Variants in ART3 observed in about 807,000 individuals in gnomAD.
The protein encoded by ART3 is ADP-ribosyltransferase 3 (inactive), also known as ecto-ADP-ribosyltransferase 3.
A neutral mutation model predicts 48.5 loss-of-function variants in ART3; 49 were observed. That is an observed-to-expected ratio of 1.01 (90% CI 0.80 to 1.28). ART3 has a LOEUF of 1.28. Among genes scored for constraint, ART3 ranks in the 50% most tolerant of loss-of-function variants. The pLI, the probability that ART3 is intolerant of heterozygous loss-of-function variation, is 0.00. For missense variants in ART3, 438 were observed against 454.3 expected (o/e 0.96, Z 0.33); for synonymous variants, 145 against 157.2 (o/e 0.92, Z 0.58).
At chr4:76,108,056 G>A (rs546481759) in intron 11 of ART3, among the ~76,000 whole-genome samples, 40 of 150,468 alleles carry the variant, frequency 2.7e-4, no homozygotes, top group African/African-American at 9.5e-4. Flanking sequence ...CTGAAGACTG[G>A]GAGCAAAATA....
At chr4:76,095,600 T>C (rs1381255429) in intron 3 of ART3, among the ~76,000 whole-genome samples, 1 of 152,218 alleles carries the variant, frequency 6.6e-6, no homozygotes, top group African/African-American at 2.4e-5. Context: ...TTGGAGTGCT[T>C]ATTTAAAATG....
At chr4:76,028,390 G>A (rs1359460456) in intron 1 of ART3, among the ~76,000 whole-genome samples, 3 of 152,130 alleles carry the variant, frequency 2.0e-5, no homozygotes, top group East Asian at 1.9e-4. Context: ...GAAGTATCCC[G>A]CTTTAGTTTC....
chr4:76,030,829 G>A (rs963258602), intron 1 of ART3, among the ~76,000 whole-genome samples: 13 of 152,072 alleles, frequency 8.5e-5, no homozygotes, highest in African/African-American at 1.7e-4. Flanking sequence ...TTTTATGGCC[G>A]AATAATCTAT....
chr4:76,093,253 C>T (rs550515242), intron 3 of ART3, among the ~76,000 whole-genome samples: 30 of 152,180 alleles, frequency 2.0e-4, no homozygotes, highest in Admixed American at 1.9e-3. Flanking sequence ...GAGACCCTGT[C>T]TCTACAAAAA....
intron 1 of ART3, among the ~76,000 whole-genome samples, chr4:76,054,903 T>C (rs4593163): frequency 0.59 from 89,147 of 152,122 alleles, 26,990 homozygotes; most frequent in East Asian, 0.94. Context: ...CTATTTTCCT[T>C]GTAATGAAAA....
intron 1 of ART3, among the ~76,000 whole-genome samples, chr4:76,025,633 C>A (rs573725363): frequency 6.6e-6 from 1 of 152,190 alleles, no homozygotes; most frequent in East Asian, 1.9e-4. Flanking sequence ...TCTAGAACTT[C>A]ATATAAATGG....
chr4:76,068,686 A>C (rs927386712), intron 1 of ART3, among the ~76,000 whole-genome samples: 1 of 152,178 alleles, frequency 6.6e-6, no homozygotes, highest in African/African-American at 2.4e-5. Context: ...ACTGTTGTGT[A>C]CTAGGCTTAG....
intron 3 of ART3, among the ~76,000 whole-genome samples, chr4:76,086,975 T>A (rs886146219): frequency 1.3e-5 from 2 of 152,224 alleles, no homozygotes; most frequent in African/African-American, 2.4e-5. Context: ...TGAAACTTTA[T>A]CAGCATAGCA....
upstream of ART3, among the ~76,000 whole-genome samples, chr4:76,070,002 A>G (rs531932451): frequency 6.6e-6 from 1 of 151,992 alleles, no homozygotes; most frequent in Non-Finnish European, 1.5e-5. Flanking sequence ...CCTATGTTTA[A>G]CATTTTGAGG....
chr4:76,032,116 A>C (rs1285038653), intron 1 of ART3, among the ~76,000 whole-genome samples: 1 of 152,150 alleles, frequency 6.6e-6, no homozygotes, highest in East Asian at 1.9e-4. Flanking sequence ...TGCTATGAAG[A>C]ACTTTAGGTG....
At chr4:76,014,539 G>A (rs899581298) in intron 1 of ART3, among the ~76,000 whole-genome samples, 2 of 152,032 alleles carry the variant, frequency 1.3e-5, no homozygotes, top group East Asian at 3.8e-4. Context: ...AGTGAACAAA[G>A]CCTAAGAGAC....
intron 1 of ART3, among the ~76,000 whole-genome samples, chr4:76,042,092 A>G (rs1735026619): frequency 6.6e-6 from 1 of 152,232 alleles, no homozygotes; most frequent in African/African-American, 2.4e-5. Context: ...AAATGATGGA[A>G]TCTAGTTTCC....
intron 3 of ART3, among the ~76,000 whole-genome samples, chr4:76,091,566 C>G (rs909199679): frequency 1.3e-5 from 2 of 151,938 alleles, no homozygotes; most frequent in African/African-American, 4.8e-5. Flanking sequence ...AGATTTTTGT[C>G]CACTTTTAAT....
intron 1 of ART3, among the ~76,000 whole-genome samples, chr4:76,058,891 C>T (rs2149474884): frequency 6.6e-6 from 1 of 152,226 alleles, no homozygotes; most frequent in African/African-American, 2.4e-5. Flanking sequence ...GGTTCCAGAG[C>T]TCTGTGTGGT....
At chr4:76,100,698 TTTTCATA>T in intron 6 of ART3, 90 bp from the exon 7 acceptor site, 13 of 1,394,692 alleles carry the variant, frequency 9.3e-6, no homozygotes, top group Non-Finnish European at 1.3e-5. Flanking sequence ...GGTGGGAATA[TTTTCATA>T]TTTCTTGCAA....
chr4:76,073,167 A>G (rs1467202811), upstream of ART3, among the ~76,000 whole-genome samples: 1 of 152,260 alleles, frequency 6.6e-6, no homozygotes, highest in Non-Finnish European at 1.5e-5. Flanking sequence ...TACCTAAAAC[A>G]GTTCCTAGCA....
At chr4:76,064,662 G>A (rs893870342) in intron 1 of ART3, among the ~76,000 whole-genome samples, 5 of 152,122 alleles carry the variant, frequency 3.3e-5, no homozygotes, top group African/African-American at 1.2e-4. Flanking sequence ...GATGGAAGCT[G>A]GGAGGTGAAA....
At chr4:76,089,547 G>T (rs6826514) in intron 3 of ART3, among the ~76,000 whole-genome samples, 29,022 of 152,006 alleles carry the variant, frequency 0.19, 4,760 homozygotes, top group African/African-American at 0.44. Context: ...AGTTTCCTGA[G>T]GCCTCCCCTG....
chr4:76,072,999 A>G (rs751855393), upstream of ART3, among the ~76,000 whole-genome samples: 2 of 152,206 alleles, frequency 1.3e-5, no homozygotes, highest in Non-Finnish European at 2.9e-5. Context: ...CCTTTGTGCT[A>G]CTTATAAACA....
Sources: allele counts gnomAD v4.1 joint callset (sites outside exome capture counted in the v4.1 genomes callset), GRCh38; gene constraint gnomAD v4.1.1; transcripts MANE v1.5; gene names NCBI Gene and HGNC (gene_info 2026-07-23, HGNC 2026-07-21).